SH3KBP1: variants seen among roughly 807,000 people sequenced by gnomAD.
SH3KBP1 encodes SH3 domain-containing kinase-binding protein 1.
A neutral mutation model predicts 50.1 loss-of-function variants in SH3KBP1; 8 were observed. That is an observed-to-expected ratio of 0.16 (90% CI 0.09 to 0.29). The LOEUF is 0.29. SH3KBP1 is among the 10% of genes least tolerant of loss of function. The pLI is 1.00. For missense variants in SH3KBP1, 377 were observed against 535.2 expected (o/e 0.70, Z 2.92); for synonymous variants, 227 against 218.6 (o/e 1.04, Z -0.34).
At chrX:19,755,409 GAATAT>G (rs1299372971) in intron 2 of SH3KBP1, among the ~76,000 whole-genome samples, 1 of 111,475 alleles carries the variant, frequency 9.0e-6, no homozygotes, top group Non-Finnish European at 1.9e-5. Flanking sequence ...AGAAAACTAA[GAATAT>G]AACATAGCAA....
At position 19,744,171 on chromosome X, in the gene SH3KBP1, G is replaced by A. The variant is rs1603177462; in HGVS notation, c.286+2147C>T. On this transcript the variant is annotated intron_variant, in intron 3 of 17. Coordinates refer to ENST00000397821, the MANE Select transcript of SH3KBP1 (RefSeq NM_031892.3). ...AAGGAGGCCCCTTCAGTCACTTATGGTAACTCATAAAACTTTAAAAATTAG... is the reference window on the plus strand; with the variant it reads ...AAGGAGGCCCCTTCAGTCACTTATGATAACTCATAAAACTTTAAAAATTAG... Among the ~76,000 whole-genome samples, 3 of 112,641 alleles carry A rather than the reference G, an allele frequency of 2.7e-5. No homozygotes were observed. The East Asian group carries it at 8.3e-4, about 31-fold the overall frequency.
chrX:19,599,818 T>C (rs1372971863), intron 9 of SH3KBP1, among the ~76,000 whole-genome samples: 1 of 111,474 alleles, frequency 9.0e-6, no homozygotes, highest in Non-Finnish European at 1.9e-5. Flanking sequence ...AAATGATTCA[T>C]AAAGTATTGC....
chrX:19,709,966 A>G (rs759498144), intron 3 of SH3KBP1, among the ~76,000 whole-genome samples: 1 of 111,314 alleles, frequency 9.0e-6, no homozygotes, highest in Non-Finnish European at 1.9e-5. Context: ...ACATAAACTA[A>G]AGGAAAAAAA....
intron 11 of SH3KBP1, among the ~76,000 whole-genome samples, chrX:19,589,178 T>C (rs1236550703): frequency 1.8e-5 from 2 of 112,786 alleles, no homozygotes; most frequent in Non-Finnish European, 3.8e-5. Context: ...GGCAGCGCTT[T>C]ACAAACACGC....
chrX:19,543,149 G>T (rs2064982077), intron 15 of SH3KBP1, among the ~76,000 whole-genome samples: 1 of 111,459 alleles, frequency 9.0e-6, no homozygotes, highest in South Asian at 3.8e-4. Context: ...GAGTGGGCCA[G>T]GAGGATGGAG....
chrX:19,641,989 T>C (rs765567461), intron 7 of SH3KBP1, among the ~76,000 whole-genome samples: 3 of 111,043 alleles, frequency 2.7e-5, no homozygotes, highest in African/African-American at 9.8e-5. Context: ...CACAGGCATG[T>C]GCCACCATGC....
At chrX:19,887,205 G>A in intron 1 of SH3KBP1, 102 bp downstream of exon 1, 1 of 745,763 alleles carries the variant, frequency 1.3e-6, no homozygotes, top group Non-Finnish European at 1.7e-6. Context: ...CCCCCGTCCG[G>A]ACCCTGCCCC....
chrX:19,674,001 C>T (rs1014962292), intron 6 of SH3KBP1, among the ~76,000 whole-genome samples: 1 of 112,582 alleles, frequency 8.9e-6, no homozygotes, highest in Non-Finnish European at 1.9e-5. Flanking sequence ...CCAAGGATAT[C>T]CCATCCCTTC....
At position 19,858,217 on chromosome X, in the gene SH3KBP1, A is replaced by T. The variant is rs182858174; in HGVS notation, c.5-21935T>A. Among the ~76,000 whole-genome samples, 841 of 111,739 alleles carry T rather than the reference A, an allele frequency of 7.5e-3. 11 individuals are homozygous for T. The highest frequency in any genetic ancestry group is 0.026 in the African/African-American group (797 of 30,834). ...AAAATAAAATAAATAAAATTAAATTAAAAAGGAAGAGGTTGCTTTCTAGGT... is the reference window on the plus strand; with the variant it reads ...AAAATAAAATAAATAAAATTAAATTTAAAAGGAAGAGGTTGCTTTCTAGGT... On this transcript the variant is annotated intron_variant, in intron 1 of 17. Coordinates refer to ENST00000397821, the MANE Select transcript of SH3KBP1 (RefSeq NM_031892.3).
chrX:19,765,923 T>C lies in SH3KBP1; in HGVS notation c.163-19482A>G, dbSNP rs938605983. Among the ~76,000 whole-genome samples the C allele has an allele frequency of 2.7e-5, 3 of 112,398 alleles. No homozygotes were observed. The Admixed American group carries it at 2.8e-4, about 11-fold the overall frequency. The stretch of plus-strand genomic sequence containing the variant: ...TGAGGCAGAATGATATTCTGTTGTA[T>C]AGACACTTGGGTTGCTTCCACCTTT... On this transcript the variant is annotated intron_variant, in intron 2 of 17. Transcript: ENST00000397821.
rs755848619 is a variant in SH3KBP1, at chrX:19,620,483, T to C, written c.897+11381A>G. On this transcript the variant is annotated intron_variant, in intron 8 of 17. Transcript: ENST00000397821. Reference sequence around the variant, plus strand: ...AACTTGTTTGGTGGCTTTTAATCTATACTTAGCTGATTTAGCTTCTAGGCC... The same window carrying C: ...AACTTGTTTGGTGGCTTTTAATCTACACTTAGCTGATTTAGCTTCTAGGCC... Among the ~76,000 whole-genome samples the C allele has an allele frequency of 4.4e-5, 5 of 112,721 alleles. No individual in the cohort carries two copies. The South Asian group carries it at 1.8e-3, about 41-fold the overall frequency.
intron 1 of SH3KBP1, among the ~76,000 whole-genome samples, chrX:19,881,355 C>T (rs1452469743): frequency 4.5e-5 from 5 of 111,601 alleles, no homozygotes; most frequent in Admixed American, 9.5e-5. Flanking sequence ...ACAATAGCAG[C>T]GTCCCTGTGG....
At chrX:19,631,792 A>G in intron 8 of SH3KBP1, 72 bp downstream of exon 8, 1 of 604,230 alleles carries the variant, frequency 1.7e-6, no homozygotes, top group Non-Finnish European at 2.6e-6. Flanking sequence ...CGCTGAAGCA[A>G]AAGCTTATAC....
chrX:19,639,801 T>A (rs1370025359), intron 7 of SH3KBP1, among the ~76,000 whole-genome samples: 1 of 109,884 alleles, frequency 9.1e-6, no homozygotes, highest in African/African-American at 3.3e-5. Context: ...ATGAGTGAGT[T>A]TGGGGGAGGA....
intron 7 of SH3KBP1, among the ~76,000 whole-genome samples, chrX:19,643,028 C>T (rs2061896776): frequency 9.0e-6 from 1 of 111,048 alleles, no homozygotes; most frequent in South Asian, 3.8e-4. Context: ...TATAGTTTGT[C>T]TTCTGGCCAG....
intron 2 of SH3KBP1, among the ~76,000 whole-genome samples, chrX:19,774,707 AAAG>A (rs1378201995): frequency 1.1e-4 from 11 of 104,646 alleles, no homozygotes; most frequent in Non-Finnish European, 1.7e-4. Context: ...AGAAAGAAAG[AAAG>A]AAGAAACCTA....
intron 2 of SH3KBP1, among the ~76,000 whole-genome samples, chrX:19,764,983 G>GTTTT (rs1194840432): frequency 1.4e-5 from 1 of 71,357 alleles, no homozygotes; most frequent in Non-Finnish European, 2.5e-5. Flanking sequence ...AATTTTTGCA[G>GTTTT]TTCTTTTTTT....
intron 12 of SH3KBP1, among the ~76,000 whole-genome samples, chrX:19,580,113 G>A (rs2066322943): frequency 1.8e-5 from 2 of 111,369 alleles, no homozygotes; most frequent in Admixed American, 1.9e-4. Flanking sequence ...TATCTAAGAA[G>A]AGGGTTGGGG....
At chrX:19,696,057 C>T (rs189472323) in intron 4 of SH3KBP1, among the ~76,000 whole-genome samples, 21 of 111,931 alleles carry the variant, frequency 1.9e-4, no homozygotes, top group Non-Finnish European at 3.2e-4. Flanking sequence ...ATTAGAAGGA[C>T]CTGTGACTCA....
Sources: gnomAD v4.1 joint callset for allele counts (sites outside exome capture counted in the v4.1 genomes callset) on GRCh38, gnomAD v4.1.1 for gene constraint, MANE v1.5 for transcripts, NCBI Gene and HGNC (gene_info 2026-07-23, HGNC 2026-07-21) for gene names.